Variants in TPD52L2 observed in about 807,000 individuals in gnomAD.
TPD52L2 encodes TPD52 like 2.
In TPD52L2, 19 loss-of-function variants were observed where a neutral mutation model predicts 24.7. The ratio of observed to expected loss-of-function variants is 0.77; its 90% confidence interval spans 0.54 to 1.13. TPD52L2 has a LOEUF of 1.13. Among genes scored for constraint, TPD52L2 ranks in the 50% most tolerant of loss-of-function variants. TPD52L2 has a pLI of 0.00. For synonymous variants in TPD52L2, 104 were observed against 100.2 expected, an observed-to-expected ratio of 1.04 and a Z score of -0.23; for missense variants, 236 against 250.4, an observed-to-expected ratio of 0.94 and a Z score of 0.39.
Position 63,882,799 on chromosome 20 carries a change from G to T in TPD52L2, c.455G>T (p.Ser152Ile), listed in dbSNP as rs2052952335. 1 of 1,613,098 alleles carries T rather than the reference G, an allele frequency of 6.2e-7. No individual in the cohort carries two copies. The highest frequency in any genetic ancestry group is 8.5e-7 in the Non-Finnish European group (1 of 1,179,460). Residue 152 changes from serine to isoleucine, a missense_variant, in exon 5 of 7, where the codon AGC (serine) becomes ATC (isoleucine). Physicochemically the swap from Ser to Ile is moderately radical, Grantham distance 142. Transcript: ENST00000346249. The stretch of plus-strand genomic sequence containing the variant: ...CTGTCCACAGTGGGCTCTGCCATCA[G>T]CAGGAAGCTTGGAGACATGAGGTGA... The part of the protein sequence containing the change: ...AALSTVGSAI[S>I]RKLGDMRNSA...
chr20:63,887,753 G>T, intron 5 of TPD52L2: 3 of 787,334 alleles, frequency 3.8e-6, no homozygotes, highest in Non-Finnish European at 6.4e-6. Context: ...ACTAAGGGCC[G>T]GTAAAAACCC....
At chr20:63,869,879 C>A (rs1388906720) in intron 2 of TPD52L2, among the ~76,000 whole-genome samples, 2 of 152,174 alleles carry the variant, frequency 1.3e-5, no homozygotes, top group East Asian at 3.8e-4. Context: ...AATTCCAGCG[C>A]CTTAGGAGGA....
chr20:63,885,707 T>TG (rs1337932151), intron 5 of TPD52L2, among the ~76,000 whole-genome samples: 1 of 152,196 alleles, frequency 6.6e-6, no homozygotes, highest in Non-Finnish European at 1.5e-5. Context: ...AGGTGTGCCT[T>TG]GGGGCATAAG....
intron 6 of TPD52L2, among the ~76,000 whole-genome samples, chr20:63,889,472 A>G (rs1214270194): frequency 9.3e-6 from 1 of 107,394 alleles, no homozygotes; most frequent in Non-Finnish European, 2.0e-5. Flanking sequence ...ACGCCTCCAC[A>G]CTGCCCTTCC....
At chr20:63,886,470 C>T (rs1228848206) in intron 5 of TPD52L2, among the ~76,000 whole-genome samples, 2 of 151,888 alleles carry the variant, frequency 1.3e-5, no homozygotes, top group Non-Finnish European at 2.9e-5. Flanking sequence ...ACGCCATTCT[C>T]CTGCCTCAGC....
At chr20:63,885,845 C>T (rs966436340) in intron 5 of TPD52L2, among the ~76,000 whole-genome samples, 2 of 152,174 alleles carry the variant, frequency 1.3e-5, no homozygotes, top group Non-Finnish European at 2.9e-5. Flanking sequence ...GTGCTGCTGT[C>T]CCCGGTGGTG....
intron 5 of TPD52L2, among the ~76,000 whole-genome samples, chr20:63,886,460 A>C (rs528791173): frequency 1.2e-4 from 17 of 142,738 alleles, no homozygotes; most frequent in African/African-American, 3.6e-4. Context: ...TCCCGGGTTC[A>C]CGCCATTCTC....
intron 4 of TPD52L2, 44 bp downstream of exon 4, chr20:63,875,919 C>T (rs1273567348): frequency 3.1e-6 from 5 of 1,590,208 alleles, no homozygotes; most frequent in African/African-American, 1.3e-5. Flanking sequence ...CTCCTCTCCG[C>T]CTCCTGACAC....
In TPD52L2 at chr20:63,886,052, A is replaced by G. The variant is rs373922729; in HGVS notation, c.477-3138A>G. 6.8e-6 allele frequency: 11 copies of G among 1,613,862 alleles called. No homozygotes were observed. In the Middle Eastern group the frequency reaches 4.9e-4, roughly 72 times the overall value. ...TTTCACACTCCTTTAGGTAAGGCTG[A>G]GCCTGGACACACCTGTGGAAGACTT... On this transcript the variant is annotated intron_variant, in intron 5 of 6. Transcript: ENST00000346249.
chr20:63,885,939 C>G, intron 5 of TPD52L2: 2 of 1,521,606 alleles, frequency 1.3e-6, no homozygotes, highest in Non-Finnish European at 1.8e-6. Flanking sequence ...TGGGGCTCCC[C>G]GAGGAGGGCT....
intron 3 of TPD52L2, among the ~76,000 whole-genome samples, chr20:63,874,529 A>C (rs897107733): frequency 6.6e-6 from 1 of 151,896 alleles, no homozygotes; most frequent in Non-Finnish European, 1.5e-5. Context: ...GTGCGCCACC[A>C]TGCCTGGCTA....
At chr20:63,867,074 C>T (rs1330230942) in intron 1 of TPD52L2, among the ~76,000 whole-genome samples, 1 of 152,058 alleles carries the variant, frequency 6.6e-6, no homozygotes, top group East Asian at 1.9e-4. Context: ...CTGCCTCAGC[C>T]TCCCGTGTAG....
intron 4 of TPD52L2, among the ~76,000 whole-genome samples, chr20:63,881,054 G>A (rs1319797258): frequency 6.6e-6 from 1 of 152,066 alleles, no homozygotes. Flanking sequence ...GGCTGAGCAC[G>A]GTGGCTCACA....
At chr20:63,872,522 C>T (rs1430753129) in intron 2 of TPD52L2, among the ~76,000 whole-genome samples, 3 of 148,600 alleles carry the variant, frequency 2.0e-5, no homozygotes, top group South Asian at 2.1e-4. Flanking sequence ...GGGTTACAGG[C>T]GTGCACCACC....
intron 5 of TPD52L2, among the ~76,000 whole-genome samples, chr20:63,883,773 T>A (rs1295529232): frequency 7.2e-6 from 1 of 139,332 alleles, no homozygotes; most frequent in East Asian, 2.6e-4. Context: ...TCTTCCCCTC[T>A]TGTGGCCCCT....
At chr20:63,887,948 C>G (rs572970404) in intron 5 of TPD52L2, 4 of 406,434 alleles carry the variant, frequency 9.8e-6, no homozygotes, top group South Asian at 7.8e-5. Flanking sequence ...TGGGCTGTCA[C>G]TCAGGACACT....
chr20:63,887,144 G>T (rs890949111), intron 5 of TPD52L2: 22 of 305,484 alleles, frequency 7.2e-5, no homozygotes, highest in African/African-American at 4.7e-4. Flanking sequence ...GCCAGCACGT[G>T]CCCTTCTGCT....
intron 5 of TPD52L2, among the ~76,000 whole-genome samples, chr20:63,885,759 C>T (rs1017380467): frequency 1.2e-4 from 18 of 152,220 alleles, no homozygotes; most frequent in East Asian, 5.8e-4. Context: ...TGGGCACAGC[C>T]GTGAGGCTGA....
chr20:63,866,581 C>G lies in TPD52L2; in HGVS notation c.19+1197C>G, dbSNP rs573257448. Among the ~76,000 whole-genome samples, 147 of 152,174 alleles carry G rather than the reference C, an allele frequency of 9.7e-4. 2 individuals carry two copies. In the South Asian group the frequency reaches 0.029, roughly 30 times the overall value. On this transcript the variant is annotated intron_variant, in intron 1 of 6. Transcript: ENST00000346249. ...GTTCACTGCCATTCTCCTGCTTCAG[C>G]CTCCCAACTAGCTGGGACTACAGGC...
Sources: allele counts gnomAD v4.1 joint callset (sites outside exome capture counted in the v4.1 genomes callset), GRCh38; gene constraint gnomAD v4.1.1; transcripts MANE v1.5; gene names NCBI Gene and HGNC (gene_info 2026-07-23, HGNC 2026-07-21).